The following FRMD6 variants were observed in gnomAD, a reference collection of about 807,000 sequenced individuals.
The protein encoded by FRMD6 is FERM domain-containing protein 6.
Under a neutral mutation model 73.2 loss-of-function variants are expected in FRMD6, and 37 were observed. The observed-to-expected ratio is 0.51, with a 90% confidence interval of 0.39 to 0.66. The LOEUF is 0.66. Ranked by LOEUF, FRMD6 falls within the 30% of genes least tolerant of loss-of-function variation. The pLI, the probability that FRMD6 is intolerant of heterozygous loss-of-function variation, is 0.00. For missense variants in FRMD6, 714 were observed against 780.5 expected, an observed-to-expected ratio of 0.91 and a Z score of 1.02; for synonymous variants, 273 against 282.2, an observed-to-expected ratio of 0.97 and a Z score of 0.33.
chr14:51,404,708 T>C, the FRMD6 span, among the ~76,000 whole-genome samples: 3 of 152,204 alleles, frequency 2.0e-5, no homozygotes, highest in Non-Finnish European at 2.9e-5. Flanking sequence ...CATGTATGCT[T>C]TCTATTCTGT....
the FRMD6 span, among the ~76,000 whole-genome samples, chr14:51,407,641 C>T: frequency 6.6e-6 from 1 of 151,820 alleles, no homozygotes; most frequent in African/African-American, 2.4e-5. Context: ...ATATTTATTA[C>T]TGCTTTCTAT....
intron 2 of FRMD6, among the ~76,000 whole-genome samples, chr14:51,615,786 A>C (rs1011937117): frequency 6.6e-6 from 1 of 152,224 alleles, no homozygotes; most frequent in Non-Finnish European, 1.5e-5. Flanking sequence ...GAAACATTTC[A>C]TGGAGGATGT....
At chr14:51,619,360 T>C (rs1890835457) in intron 2 of FRMD6, among the ~76,000 whole-genome samples, 1 of 148,440 alleles carries the variant, frequency 6.7e-6, no homozygotes, top group Non-Finnish European at 1.5e-5. Flanking sequence ...CTTTAAGGTA[T>C]GCAAGAGGAG....
chr14:51,545,118 G>A (rs543823957), intron 1 of FRMD6, among the ~76,000 whole-genome samples: 3 of 152,036 alleles, frequency 2.0e-5, no homozygotes, highest in Admixed American at 6.6e-5. Context: ...TTTTGTTAAC[G>A]TGCCCAGACA....
Position 51,498,838 on chromosome 14 carries a change from T to TA in FRMD6, c.-210+9422dup, listed in dbSNP as rs1234654273. On this transcript the variant is annotated intron_variant, in intron 1 of 14. Transcript: ENST00000356218. Reference sequence around the variant, plus strand: ...ATGATGAGTTGGGGAATAATTAATGTAAAATCTACCACTAGATCTCATAGG... The same window carrying TA: ...ATGATGAGTTGGGGAATAATTAATGTAAAAATCTACCACTAGATCTCATAGG... 7.9e-5 allele frequency among the ~76,000 whole-genome samples: 12 copies of TA among 152,226 alleles called. No homozygotes were observed. The East Asian group carries it at 2.3e-3, about 29-fold the overall frequency.
chr14:51,540,866 T>A (rs1365520937), intron 1 of FRMD6, among the ~76,000 whole-genome samples: 1 of 152,118 alleles, frequency 6.6e-6, no homozygotes, highest in African/African-American at 2.4e-5. Flanking sequence ...ATAGGAAATT[T>A]TAAAATACTA....
intron 7 of FRMD6, among the ~76,000 whole-genome samples, chr14:51,708,794 G>C (rs1896777740): frequency 6.6e-6 from 1 of 152,070 alleles, no homozygotes; most frequent in Non-Finnish European, 1.5e-5. Flanking sequence ...GAGATTAAAT[G>C]AATCACCTAA....
chr14:51,530,444 A>G (rs934159097), intron 1 of FRMD6, among the ~76,000 whole-genome samples: 4 of 152,226 alleles, frequency 2.6e-5, no homozygotes, highest in African/African-American at 4.8e-5. Context: ...AGTGTGTTGC[A>G]TCTACCTCAA....
chr14:51,724,131 A>G (rs1897808201), intron 12 of FRMD6: 1 of 152,134 alleles, frequency 6.6e-6, no homozygotes, highest in South Asian at 2.1e-4. Context: ...CATACACTAA[A>G]GTTGCAGTGA....
intron 2 of FRMD6, among the ~76,000 whole-genome samples, chr14:51,601,541 T>C (rs1223658628): frequency 6.6e-6 from 1 of 152,218 alleles, no homozygotes; most frequent in Non-Finnish European, 1.5e-5. Flanking sequence ...GACTCATGAA[T>C]GCATTTTGTT....
At chr14:51,501,932 T>C (rs1883643481) in intron 1 of FRMD6, among the ~76,000 whole-genome samples, 1 of 152,212 alleles carries the variant, frequency 6.6e-6, no homozygotes, top group Non-Finnish European at 1.5e-5. Context: ...TGGCATGAGA[T>C]GGTATTTCAT....
the FRMD6 span, among the ~76,000 whole-genome samples, chr14:51,418,178 TC>T: frequency 1.3e-5 from 2 of 152,336 alleles, no homozygotes; most frequent in Admixed American, 1.3e-4. Context: ...TCATTCTCCA[TC>T]CAGCTTTGTT....
chr14:51,487,508 C>A (rs767479834), upstream of FRMD6, among the ~76,000 whole-genome samples: 16 of 152,186 alleles, frequency 1.1e-4, no homozygotes, highest in Non-Finnish European at 1.9e-4. Context: ...CCTGCATTTC[C>A]AACCAGCTCC....
intron 11 of FRMD6, among the ~76,000 whole-genome samples, 196 bp from the exon 12 acceptor site, chr14:51,721,753 A>AG (rs1555340792): frequency 5.4e-4 from 59 of 108,772 alleles, no homozygotes; most frequent in African/African-American, 1.9e-3. Context: ...GAAGGGAGGA[A>AG]GGAAGGAGGG....
At chr14:51,469,064 C>G in the FRMD6 span, among the ~76,000 whole-genome samples, 55 of 151,892 alleles carry the variant, frequency 3.6e-4, no homozygotes, top group African/African-American at 1.3e-3. Context: ...CCTCAGCCTC[C>G]CGAGTAGCTG....
At chr14:51,456,087 G>A in the FRMD6 span, among the ~76,000 whole-genome samples, 1 of 152,172 alleles carries the variant, frequency 6.6e-6, no homozygotes. Flanking sequence ...GGGGCTCTGG[G>A]TGGGTGTTTG....
At chr14:51,419,379 A>G in the FRMD6 span, among the ~76,000 whole-genome samples, 1 of 152,086 alleles carries the variant, frequency 6.6e-6, no homozygotes, top group Non-Finnish European at 1.5e-5. Context: ...CAATTTCTTG[A>G]CCTCGTGATC....
chr14:51,440,595 A>T, the FRMD6 span, among the ~76,000 whole-genome samples: 1 of 152,344 alleles, frequency 6.6e-6, no homozygotes, highest in East Asian at 1.9e-4. Context: ...TGGAGAACTG[A>T]GAATTCTGCT....
At chr14:51,430,845 A>T in the FRMD6 span, among the ~76,000 whole-genome samples, 1 of 152,198 alleles carries the variant, frequency 6.6e-6, no homozygotes, top group Non-Finnish European at 1.5e-5. Context: ...AGGGCTTGCA[A>T]GAATGCTTGG....
Sources: gnomAD v4.1 joint callset for allele counts (sites outside exome capture counted in the v4.1 genomes callset) on GRCh38, gnomAD v4.1.1 for gene constraint, MANE v1.5 for transcripts, NCBI Gene and HGNC (gene_info 2026-07-23, HGNC 2026-07-21) for gene names.